The following ADK variants were observed in gnomAD, a reference collection of about 807,000 sequenced individuals.
ADK encodes the protein adenosine kinase, also known as N6,N6-dimethyladenosine kinase.
In ADK, 24 loss-of-function variants were observed where a neutral mutation model predicts 44.7. That is an observed-to-expected ratio of 0.54 (90% confidence interval 0.39 to 0.76). The LOEUF (loss-of-function observed/expected upper bound fraction) is 0.76, where lower values mean the gene tolerates loss of function less well. Among genes scored for constraint, ADK ranks in the 30% least tolerant of loss-of-function variants. The pLI, the probability that ADK is intolerant of heterozygous loss-of-function variation, is 0.00. For missense variants in ADK, 321 were observed against 425.1 expected (o/e 0.76, Z 2.15); for synonymous variants, 128 against 142.6 (o/e 0.90, Z 0.73).
intron 6 of ADK, among the ~76,000 whole-genome samples, chr10:74,493,369 A>G (rs1847556729): frequency 6.6e-6 from 1 of 151,226 alleles, no homozygotes; most frequent in African/African-American, 2.4e-5. Context: ...GTGTGTGTAT[A>G]TACATATATA....
At chr10:74,458,299 G>GTTTTTTTTTTTTT in intron 6 of ADK, among the ~76,000 whole-genome samples, 1 of 79,024 alleles carries the variant, frequency 1.3e-5, no homozygotes, top group Non-Finnish European at 2.5e-5. Flanking sequence ...CCCAGGTTTT[G>GTTTTTTTTTTTTT]TTTTTTTTTT....
Position 74,473,890 on chromosome 10 carries a change from C to G in ADK, c.556-51366C>G, listed in dbSNP as rs191380389. On this transcript the variant is annotated intron_variant, in intron 6 of 10. Transcript: ENST00000539909. Reference sequence around the variant, plus strand: ...AAACCTCATAGAGGAAGGATATAGCCACCACAGTAATTAATAAATATTAGT... The same window carrying G: ...AAACCTCATAGAGGAAGGATATAGCGACCACAGTAATTAATAAATATTAGT... 5.2e-3 allele frequency among the ~76,000 whole-genome samples: 791 copies of G among 152,096 alleles called. 4 individuals carry two copies. Among genetic ancestry groups the G allele is most frequent in the Middle Eastern group, 0.014 (4 of 294 alleles).
rs200219418 is a variant in ADK at position 74,525,366 on chromosome 10, C to T, written c.666C>T (p.Phe222=). The part of the protein sequence containing the change: ...LNLSAPFISQ[F]YKESLMKVMP... ...TATCTGCACCGTTTATTAGCCAGTT[C>T]TACAAGGAATCATTGATGAAAGTTA... is the stretch of plus-strand genomic sequence containing the variant. Residue 222 remains phenylalanine, a synonymous_variant, in exon 7 of 11, where the codon TTC becomes TTT. Transcript: ENST00000539909. 9.9e-6 allele frequency: 16 copies of T among 1,613,606 alleles called. No homozygotes were observed. In the East Asian group the frequency reaches 3.6e-4, roughly 36 times the overall value.
At chr10:74,417,551 T>C (rs895844310) in intron 6 of ADK, among the ~76,000 whole-genome samples, 21 of 152,186 alleles carry the variant, frequency 1.4e-4, no homozygotes. Flanking sequence ...TCCATAATTC[T>C]TAGTGTACTC....
intron 9 of ADK, chr10:74,661,251 T>C (rs1048988332): frequency 3.9e-5 from 36 of 916,268 alleles, no homozygotes; most frequent in African/African-American, 5.4e-5. Context: ...TAACAATGAA[T>C]CAAAATCTAT....
chr10:74,175,284 T>C (rs569043357), intron 1 of ADK, among the ~76,000 whole-genome samples: 1 of 150,990 alleles, frequency 6.6e-6, no homozygotes, highest in Admixed American at 6.6e-5. Flanking sequence ...CTCGGGAGCC[T>C]GAGGCACAAG....
At chr10:74,306,429 T>C (rs1172096106) in intron 3 of ADK, among the ~76,000 whole-genome samples, 1 of 152,232 alleles carries the variant, frequency 6.6e-6, no homozygotes, top group African/African-American at 2.4e-5. Context: ...CTTTATTTTC[T>C]CAGCTCTGCA....
At chr10:74,169,952 A>C (rs1842116957) in intron 1 of ADK, among the ~76,000 whole-genome samples, 1 of 152,228 alleles carries the variant, frequency 6.6e-6, no homozygotes, top group Non-Finnish European at 1.5e-5. Flanking sequence ...AGAGGTAATG[A>C]TTTGTCAAAA....
intron 4 of ADK, among the ~76,000 whole-genome samples, chr10:74,317,637 G>C (rs1840670585): frequency 6.6e-6 from 1 of 151,648 alleles, no homozygotes; most frequent in South Asian, 2.1e-4. Context: ...TATTATTGTT[G>C]CTGGACATAG....
At chr10:74,659,985 C>T (rs1164423345) in intron 9 of ADK, among the ~76,000 whole-genome samples, 1 of 152,166 alleles carries the variant, frequency 6.6e-6, no homozygotes, top group Admixed American at 6.5e-5. Flanking sequence ...TCACAAGTTT[C>T]ATTTCAAGAT....
At chr10:74,522,734 T>C (rs191093557) in intron 6 of ADK, among the ~76,000 whole-genome samples, 107 of 152,298 alleles carry the variant, frequency 7.0e-4, no homozygotes, top group Middle Eastern at 3.4e-3. Flanking sequence ...TTGTAACTTT[T>C]AACAGAAGTT....
chr10:74,473,099 C>T (rs1486021796), intron 6 of ADK, among the ~76,000 whole-genome samples: 1 of 151,976 alleles, frequency 6.6e-6, no homozygotes, highest in African/African-American at 2.4e-5. Context: ...AGGTGATTCT[C>T]CCACTTCAAC....
intron 6 of ADK, among the ~76,000 whole-genome samples, chr10:74,523,160 T>C (rs1350692217): frequency 1.3e-5 from 2 of 152,198 alleles, no homozygotes; most frequent in African/African-American, 4.8e-5. Context: ...AGGTTTGATG[T>C]AAGGAAAAAA....
chr10:74,441,174 C>A (rs1012096926), intron 6 of ADK, among the ~76,000 whole-genome samples: 1 of 152,192 alleles, frequency 6.6e-6, no homozygotes, highest in Non-Finnish European at 1.5e-5. Flanking sequence ...TTAATAAGCA[C>A]TTGAAAAGAT....
chr10:74,562,785 C>A (rs899583954), intron 7 of ADK, among the ~76,000 whole-genome samples: 2 of 152,126 alleles, frequency 1.3e-5, no homozygotes, highest in African/African-American at 4.8e-5. Context: ...AAAAATAAAA[C>A]CAGTGTTTTT....
At chr10:74,342,047 A>G (rs1011226250) in intron 4 of ADK, among the ~76,000 whole-genome samples, 1 of 152,192 alleles carries the variant, frequency 6.6e-6, no homozygotes, top group Non-Finnish European at 1.5e-5. Context: ...AATCAAATTT[A>G]GAGCATTTTT....
Position 74,298,860 on chromosome 10 carries a change from G to A in ADK, c.195-15807G>A, listed in dbSNP as rs1592006524. ...TTGGGAGGCTGAGATGGGAGGATCC[G>A]TTTGATCCCAGGAGTTTGAGTTCAG... On this transcript the variant is annotated intron_variant, in intron 3 of 10. Coordinates refer to ENST00000539909, the MANE Select transcript of ADK (RefSeq NM_006721.4). Among the ~76,000 whole-genome samples the A allele has an allele frequency of 2.0e-5, 3 of 152,236 alleles. No individual in the cohort carries two copies. In the East Asian group the frequency reaches 5.8e-4, roughly 29 times the overall value.
At chr10:74,175,277 G>A (rs1226016208) in intron 1 of ADK, among the ~76,000 whole-genome samples, 1 of 151,758 alleles carries the variant, frequency 6.6e-6, no homozygotes, top group African/African-American at 2.4e-5. Context: ...CCAGCTACTC[G>A]GGAGCCTGAG....
intron 7 of ADK, chr10:74,527,679 C>G: frequency 8.7e-7 from 1 of 1,153,560 alleles, no homozygotes; most frequent in Non-Finnish European, 1.3e-6. Context: ...AAAACTGTGT[C>G]AAAAATGCCT....
Sources: gnomAD v4.1 joint callset for allele counts (sites outside exome capture counted in the v4.1 genomes callset) on GRCh38, gnomAD v4.1.1 for gene constraint, MANE v1.5 for transcripts, NCBI Gene and HGNC (gene_info 2026-07-23, HGNC 2026-07-21) for gene names.